Variants in DNAH14 observed in about 807,000 individuals in gnomAD.
DNAH14 encodes the protein dynein axonemal heavy chain 14.
DNAH14 carries 478 observed loss-of-function variants against 520.9 expected under a neutral mutation model. The ratio of observed to expected loss-of-function variants is 0.92; its 90% CI spans 0.85 to 0.99. DNAH14 has a LOEUF of 0.99. Ranked by LOEUF, DNAH14 falls within the 50% of genes least tolerant of loss-of-function variation. The pLI, the probability that DNAH14 is intolerant of heterozygous loss-of-function variation, is 0.00. For synonymous variants in DNAH14, 1,581 were observed against 1,757.2 expected, an observed-to-expected ratio of 0.90 and a Z score of 2.51; for missense variants, 4,831 against 5,234.5, an observed-to-expected ratio of 0.92 and a Z score of 2.38.
chr1:225,257,248 C>T (rs574454065), intron 44 of DNAH14, among the ~76,000 whole-genome samples: 82 of 152,300 alleles, frequency 5.4e-4, no homozygotes, highest in African/African-American at 1.9e-3. Flanking sequence ...GCATGAATTT[C>T]TGTTGAGCAG....
chr1:225,194,047 A>G (rs2085789367), intron 38 of DNAH14, among the ~76,000 whole-genome samples: 1 of 152,150 alleles, frequency 6.6e-6, no homozygotes, highest in Admixed American at 6.6e-5. Context: ...GAAATCAGAG[A>G]TGACACAAAC....
intron 36 of DNAH14, among the ~76,000 whole-genome samples, chr1:225,178,282 A>G (rs976222433): frequency 1.3e-5 from 2 of 152,190 alleles, no homozygotes; most frequent in Admixed American, 6.5e-5. Flanking sequence ...AATTGGATTT[A>G]CAGTTCCACA....
chr1:224,978,087 T>G (rs1331762508), intron 8 of DNAH14, among the ~76,000 whole-genome samples: 2 of 152,168 alleles, frequency 1.3e-5, no homozygotes, highest in Non-Finnish European at 2.9e-5. Flanking sequence ...CACAACCATA[T>G]GGAAAAACAG....
chr1:225,340,157 A>G (rs930536052), intron 68 of DNAH14, among the ~76,000 whole-genome samples: 1 of 152,132 alleles, frequency 6.6e-6, no homozygotes. Context: ...GGTAAAAACC[A>G]TGGTTTTCAC....
At chr1:225,101,559 A>G (rs2075459743) in intron 23 of DNAH14, among the ~76,000 whole-genome samples, 1 of 152,004 alleles carries the variant, frequency 6.6e-6, no homozygotes, top group South Asian at 2.1e-4. Context: ...TATCTCCATG[A>G]TTTCACTTGC....
intron 35 of DNAH14, among the ~76,000 whole-genome samples, chr1:225,164,969 T>C (rs1465185980): frequency 6.6e-6 from 1 of 152,156 alleles, no homozygotes; most frequent in Non-Finnish European, 1.5e-5. Context: ...ATATCTATTA[T>C]AGGCTTATCT....
At chr1:225,080,773 C>G in intron 19 of DNAH14, 25 bp downstream of exon 19, 1 of 1,487,288 alleles carries the variant, frequency 6.7e-7, no homozygotes, top group Non-Finnish European at 8.9e-7. Flanking sequence ...CTCAAATTTT[C>G]CCACCTAGGT....
intron 54 of DNAH14, among the ~76,000 whole-genome samples, chr1:225,280,591 T>C (rs1278818501): frequency 1.4e-5 from 2 of 143,300 alleles, no homozygotes; most frequent in Non-Finnish European, 1.5e-5. Context: ...AAAGTGAGAG[T>C]CCATCTCAAA....
At chr1:225,078,859 C>CTCTCTCTCTCTCT (rs2072720564) in intron 17 of DNAH14, among the ~76,000 whole-genome samples, 1 of 18,998 alleles carries the variant, frequency 5.3e-5, no homozygotes, top group Admixed American at 6.8e-4. Flanking sequence ...TCTCTCTCTC[C>CTCTCTCTCTCTCT]CTCTCTCTCT....
At chr1:225,217,998 C>G (rs1040649643) in intron 41 of DNAH14, among the ~76,000 whole-genome samples, 1 of 152,132 alleles carries the variant, frequency 6.6e-6, no homozygotes, top group East Asian at 1.9e-4. Flanking sequence ...ATAGCTGTTC[C>G]TATTTGTCCA....
chr1:225,241,536 A>AT (rs1258470435), intron 43 of DNAH14, among the ~76,000 whole-genome samples: 1 of 152,040 alleles, frequency 6.6e-6, no homozygotes, highest in Non-Finnish European at 1.5e-5. Flanking sequence ...CTGTTGGGGG[A>AT]TTTTTTTCAT....
At chr1:225,168,136 T>C in intron 36 of DNAH14, 108 bp downstream of exon 36, 1 of 699,050 alleles carries the variant, frequency 1.4e-6, no homozygotes, top group South Asian at 2.0e-5. Flanking sequence ...GGTATAATTT[T>C]TTTTAATTAA....
chr1:225,279,778 G>A (rs1341087199), intron 54 of DNAH14, among the ~76,000 whole-genome samples: 2 of 152,036 alleles, frequency 1.3e-5, no homozygotes, highest in African/African-American at 4.8e-5. Flanking sequence ...AGATAGGGAA[G>A]TGTGAGCTAT....
At chr1:225,051,087 G>A (rs1352329269) in intron 16 of DNAH14, among the ~76,000 whole-genome samples, 2 of 152,152 alleles carry the variant, frequency 1.3e-5, no homozygotes, top group African/African-American at 4.8e-5. Flanking sequence ...CCGTGGACTG[G>A]CACTGCTCTC....
At chr1:225,324,122 T>G in intron 62 of DNAH14, 100 bp from the exon 63 acceptor site, 1 of 1,433,590 alleles carries the variant, frequency 7.0e-7, no homozygotes, top group Middle Eastern at 1.9e-4. Flanking sequence ...GGCCTGAATA[T>G]TTTAATATGA....
intron 21 of DNAH14, among the ~76,000 whole-genome samples, chr1:225,090,046 C>G (rs1056974412): frequency 1.3e-5 from 2 of 151,938 alleles, no homozygotes; most frequent in Admixed American, 6.6e-5. Flanking sequence ...ACATGATTAC[C>G]TATGTAAAAA....
At chr1:225,117,178 T>A (rs2076928143) in intron 23 of DNAH14, among the ~76,000 whole-genome samples, 1 of 151,990 alleles carries the variant, frequency 6.6e-6, no homozygotes, top group Non-Finnish European at 1.5e-5. Context: ...TGCCTCTAAG[T>A]TATAGAAAGG....
Position 225,160,501 on chromosome 1 carries a change from T to C in DNAH14, c.5445+1016T>C, listed in dbSNP as rs1338064893. On this transcript the variant is annotated intron_variant, in intron 35 of 85. Coordinates refer to ENST00000682510, the MANE Select transcript of DNAH14 (RefSeq NM_001367479.1). ...TAGGTGATGTAGGAAAGTTTGAAAA[T>C]CTCCCTTGAAAACCATCTGGACCAG... is the stretch of plus-strand genomic sequence containing the variant. 3.3e-5 allele frequency among the ~76,000 whole-genome samples: 5 copies of C among 152,078 alleles called. No homozygotes were observed. The East Asian group carries it at 9.6e-4, about 29-fold the overall frequency.
At chr1:225,322,941 GC>G in intron 62 of DNAH14, 118 bp downstream of exon 62, 2 of 1,059,636 alleles carry the variant, frequency 1.9e-6, no homozygotes, top group Non-Finnish European at 2.6e-6. Flanking sequence ...TAGGAAAATA[GC>G]TCTATTCTTC....
Sources: gnomAD v4.1 joint callset for allele counts (sites outside exome capture counted in the v4.1 genomes callset) on GRCh38, gnomAD v4.1.1 for gene constraint, MANE v1.5 for transcripts, NCBI Gene and HGNC (gene_info 2026-07-23, HGNC 2026-07-21) for gene names.